Variants in PHF24 observed in about 807,000 individuals in gnomAD.
PHF24 encodes the protein PHD finger protein 24, also known as Galpha inhibitory interacting protein.
PHF24 carries 25 observed loss-of-function variants against 42.6 expected under a neutral mutation model. The observed-to-expected ratio is 0.59, with a 90% CI of 0.43 to 0.82. The LOEUF (loss-of-function observed/expected upper bound fraction) is 0.82. PHF24 is among the 40% of genes least tolerant of loss of function. The pLI, the probability that PHF24 is intolerant of heterozygous loss-of-function variation, is 0.00. For synonymous variants in PHF24, 185 were observed against 204.8 expected (o/e 0.90, Z 0.83); for missense variants, 470 against 538.1 (o/e 0.87, Z 1.25).
the PHF24 span, among the ~76,000 whole-genome samples, chr9:34,948,950 A>G: frequency 3.5e-4 from 53 of 152,358 alleles, no homozygotes; most frequent in Middle Eastern, 3.4e-3. Context: ...AAAGAGCCAC[A>G]TTATATAATG....
the PHF24 span, among the ~76,000 whole-genome samples, chr9:34,891,624 A>G: frequency 6.6e-6 from 1 of 152,202 alleles, no homozygotes; most frequent in Non-Finnish European, 1.5e-5. Flanking sequence ...GCAATGACAA[A>G]TCAACCCTCT....
chr9:34,901,521 TA>T, the PHF24 span, among the ~76,000 whole-genome samples: 2 of 152,190 alleles, frequency 1.3e-5, no homozygotes, highest in Non-Finnish European at 2.9e-5. Context: ...ATCTATGTAT[TA>T]AAAGAGCATT....
the PHF24 span, among the ~76,000 whole-genome samples, chr9:34,831,770 CAGG>C: frequency 6.6e-6 from 1 of 152,094 alleles, no homozygotes; most frequent in Non-Finnish European, 1.5e-5. Context: ...CATCTCATTC[CAGG>C]AGGCTTTCAT....
chr9:34,830,996 C>T, the PHF24 span, among the ~76,000 whole-genome samples: 3 of 152,332 alleles, frequency 2.0e-5, no homozygotes, highest in South Asian at 6.2e-4. Flanking sequence ...CAGAGTCCCA[C>T]CACCTCAGTT....
chr9:34,762,736 C>T, the PHF24 span, among the ~76,000 whole-genome samples: 1 of 151,816 alleles, frequency 6.6e-6, no homozygotes, highest in South Asian at 2.1e-4. Context: ...CTTTTGTTGC[C>T]ATTGCTTTTG....
At chr9:34,875,950 ACTCTCTCTCTCTCTCTCT>A in the PHF24 span, among the ~76,000 whole-genome samples, 1,675 of 78,724 alleles carry the variant, frequency 0.021, 27 homozygotes, top group Admixed American at 0.044. Context: ...ACACACACAC[ACTCTCTCTCTCTCTCTCT>A]CTCTCTCTCT....
At chr9:34,882,996 A>G in the PHF24 span, among the ~76,000 whole-genome samples, 29 of 151,878 alleles carry the variant, frequency 1.9e-4, no homozygotes, top group Non-Finnish European at 2.8e-4. Flanking sequence ...AAACAGCATG[A>G]TACTGGTACC....
upstream of PHF24, among the ~76,000 whole-genome samples, chr9:34,956,731 AG>A: frequency 6.6e-6 from 1 of 152,350 alleles, no homozygotes; most frequent in African/African-American, 2.4e-5. Flanking sequence ...AAAGAAAGTT[AG>A]GGGGGGACCC....
exon 8 of PHF24, chr9:34,980,425 T>A (rs1211410493): frequency 6.6e-6 from 1 of 152,392 alleles, no homozygotes; most frequent in East Asian, 1.9e-4. Context: ...CAGGGGACAC[T>A]TCCCTCAGCA....
chr9:34,753,242 AT>A, the PHF24 span, among the ~76,000 whole-genome samples: 1 of 152,148 alleles, frequency 6.6e-6, no homozygotes, highest in Admixed American at 6.5e-5. Flanking sequence ...ATGATTCTAT[AT>A]TTGGAAAAAC....
At chr9:34,754,140 C>CA in the PHF24 span, among the ~76,000 whole-genome samples, 953 of 151,886 alleles carry the variant, frequency 6.3e-3, 8 homozygotes, top group South Asian at 0.011. Context: ...TCAACCAAAG[C>CA]AAAAAAAGAT....
At chr9:34,727,665 A>G in the PHF24 span, among the ~76,000 whole-genome samples, 1 of 152,232 alleles carries the variant, frequency 6.6e-6, no homozygotes, top group South Asian at 2.1e-4. Context: ...TTGAAAGAGT[A>G]TAAAGAGAAT....
At chr9:34,782,031 G>A in the PHF24 span, among the ~76,000 whole-genome samples, 1 of 152,242 alleles carries the variant, frequency 6.6e-6, no homozygotes, top group African/African-American at 2.4e-5. Flanking sequence ...AATGGGACAG[G>A]AAGCAGGGTA....
the PHF24 span, among the ~76,000 whole-genome samples, chr9:34,877,233 A>G: frequency 2.0e-5 from 3 of 150,902 alleles, no homozygotes; most frequent in South Asian, 6.3e-4. Flanking sequence ...GTGAGCCAAG[A>G]TCACACCACT....
chr9:34,838,140 T>C, the PHF24 span, among the ~76,000 whole-genome samples: 1 of 152,202 alleles, frequency 6.6e-6, no homozygotes, highest in African/African-American at 2.4e-5. Flanking sequence ...GAAAGCTTCT[T>C]GGCTTTTCAA....
the PHF24 span, among the ~76,000 whole-genome samples, chr9:34,687,499 T>C: frequency 6.6e-6 from 1 of 151,946 alleles, no homozygotes; most frequent in Admixed American, 6.5e-5. Flanking sequence ...AGTCACACAA[T>C]GAGTGGGGCA....
upstream of PHF24, among the ~76,000 whole-genome samples, chr9:34,955,335 A>AAG (rs1826347161): frequency 1.3e-5 from 2 of 151,806 alleles, no homozygotes; most frequent in South Asian, 4.1e-4. Context: ...AAAAAAAGAA[A>AAG]AGAAAGTTGA....
the PHF24 span, among the ~76,000 whole-genome samples, chr9:34,815,319 T>TTTTG: frequency 4.0e-5 from 6 of 151,098 alleles, no homozygotes; most frequent in Non-Finnish European, 8.9e-5. Flanking sequence ...AGAATTCTTT[T>TTTTG]TTTGTTTGTT....
At chr9:34,749,355 A>G in the PHF24 span, among the ~76,000 whole-genome samples, 3 of 152,178 alleles carry the variant, frequency 2.0e-5, no homozygotes, top group Non-Finnish European at 2.9e-5. Context: ...CAAGTACAAG[A>G]AAGTTATAGA....
Sources: gnomAD v4.1 joint callset for allele counts (sites outside exome capture counted in the v4.1 genomes callset) on GRCh38, gnomAD v4.1.1 for gene constraint, MANE v1.5 for transcripts, NCBI Gene and HGNC (gene_info 2026-07-23, HGNC 2026-07-21) for gene names.